SNX31: variants seen among roughly 807,000 people sequenced by gnomAD.
The protein encoded by SNX31 is sorting nexin 31.
Under a neutral mutation model 65.4 loss-of-function variants are expected in SNX31, and 58 were observed. That is an observed-to-expected ratio of 0.89 (90% CI 0.72 to 1.10). The LOEUF is 1.10. SNX31 is among the 50% of genes least tolerant of loss of function. The probability of loss-of-function intolerance (pLI) is 0.00; values close to 1 mark genes in which losing one functional copy is unlikely to be tolerated. For missense variants in SNX31, 523 were observed against 529.7 expected (o/e 0.99, Z 0.12); for synonymous variants, 181 against 190.1 (o/e 0.95, Z 0.39).
chr8:100,632,511 A>C (rs1438510861), intron 3 of SNX31, among the ~76,000 whole-genome samples: 2 of 152,206 alleles, frequency 1.3e-5, no homozygotes, highest in Non-Finnish European at 2.9e-5. Context: ...ATGACTGCTG[A>C]TGTAGAATGA....
intron 4 of SNX31, chr8:100,618,808 C>A: frequency 5.9e-6 from 1 of 168,706 alleles, no homozygotes; most frequent in South Asian, 1.6e-4. Flanking sequence ...CCCCACCCTC[C>A]CAGCACCGCC....
rs186308935 is a variant in SNX31, at chr8:100,588,437, C to G, written c.1092+429G>C. ...CTAAGTCAGGGGTTGGCAAACAAGG[C>G]CAGACCACCATCTGTTTCTATAAAT... On this transcript the variant is annotated intron_variant, in intron 11 of 13. Coordinates refer to ENST00000311812, the MANE Select transcript of SNX31 (RefSeq NM_152628.4). The surrounding 1 kb of genome is among the most constrained non-coding windows in gnomAD (Gnocchi z 4.8). 9.8e-5 allele frequency among the ~76,000 whole-genome samples: 15 copies of G among 152,290 alleles called. No individual in the cohort carries two copies. The highest frequency in any genetic ancestry group is 2.4e-4 in the African/African-American group (10 of 41,560).
intron 11 of SNX31, among the ~76,000 whole-genome samples, chr8:100,586,036 TTAGCCTCCCGAG>T (rs1307183888): frequency 3.3e-5 from 5 of 152,142 alleles, no homozygotes; most frequent in Non-Finnish European, 5.9e-5. Flanking sequence ...TTCTCCTGCC[TTAGCCTCCCGAG>T]TAGCTGGGAT....
At chr8:100,663,548 G>C (rs1809824611), upstream of SNX31, 1 of 148,390 alleles carries the variant, frequency 6.7e-6, no homozygotes, top group South Asian at 2.1e-4. Context: ...GAGCCCTCTG[G>C]AAACCCTATC....
chr8:100,642,122 T>A (rs915381386), intron 2 of SNX31, among the ~76,000 whole-genome samples: 1 of 152,150 alleles, frequency 6.6e-6, no homozygotes, highest in Non-Finnish European at 1.5e-5. Flanking sequence ...ATTCTGTTTC[T>A]TTTAAACTCA....
rs929940024 is a variant in SNX31, at chr8:100,573,327, C to T, written c.*538G>A. On this transcript the variant is annotated 3_prime_UTR_variant, in exon 14 of 14. Coordinates refer to ENST00000311812, the MANE Select transcript of SNX31 (RefSeq NM_152628.4). Reference sequence around the variant, plus strand: ...GAAAGAGATCAGTATTTCATCACCTCCTTGCTCTAGTTCTGTGTGGATAGA... The same window carrying T: ...GAAAGAGATCAGTATTTCATCACCTTCTTGCTCTAGTTCTGTGTGGATAGA... The T allele has an allele frequency of 1.3e-5, 2 of 152,146 alleles. No homozygotes were observed. The highest frequency in any genetic ancestry group is 1.3e-4 in the Admixed American group (2 of 15,266). The allele number at this position is 152,146 out of a possible 1,614,324, so 9.4% of individuals were successfully genotyped here.
At chr8:100,593,668 G>C (rs541331622) in intron 10 of SNX31, among the ~76,000 whole-genome samples, 3 of 151,958 alleles carry the variant, frequency 2.0e-5, no homozygotes, top group African/African-American at 7.2e-5. Flanking sequence ...TGGCCAGGCT[G>C]GTCTCAGACT....
At position 100,608,529 on chromosome 8, in the gene SNX31, C is replaced by T. The variant is rs1361213385; in HGVS notation, c.646G>A (p.Asp216Asn). 6.2e-7 allele frequency: 1 copy of T among 1,614,040 alleles called. No individual in the cohort carries two copies. The highest frequency in any genetic ancestry group is 1.1e-5 in the South Asian group (1 of 91,060). The change falls in exon 8 of 14, where the codon GAC becomes AAC. Residue 216 changes from aspartate to asparagine, a missense_variant. Asp to Asn is a conservative substitution (Grantham distance 23). Transcript: ENST00000311812. ...AGCAAATCTACCGCCACCCTGCAGTCCATCAGCACGGAGTCGAGGGATGGA... is the reference window on the plus strand; with the variant it reads ...AGCAAATCTACCGCCACCCTGCAGTTCATCAGCACGGAGTCGAGGGATGGA... ...MAPSLDSVLMDCRVAVDLLYM... is the reference protein window; with the variant it reads ...MAPSLDSVLMNCRVAVDLLYM...
intron 8 of SNX31, among the ~76,000 whole-genome samples, chr8:100,606,633 C>T (rs1816187355): frequency 6.6e-6 from 1 of 152,142 alleles, no homozygotes; most frequent in African/African-American, 2.4e-5. Flanking sequence ...TTGAAAAGCT[C>T]ATTAAAAGTA....
rs750333157 is a variant in SNX31, at chr8:100,612,137, TTA to T, written c.524-52_524-51del. Reference sequence around the variant, plus strand: ...TACTGGTTGAAACAGCACAGACAGCTTATATATAGCAGCTTTCAAATGAGAAA... The same window carrying T: ...TACTGGTTGAAACAGCACAGACAGCTTATATAGCAGCTTTCAAATGAGAAA... On this transcript the variant is annotated intron_variant, in intron 6 of 13. Transcript: ENST00000311812. This position sits in a 1 kb window ranked among gnomAD's most constrained non-coding sequence, Gnocchi z 4.3. 8.5e-7 allele frequency: 1 copy of T among 1,176,510 alleles called. No homozygotes were observed. The highest frequency in any genetic ancestry group is 2.3e-5 in the East Asian group (1 of 42,818). The allele number at this position is 1,176,510 out of a possible 1,614,324, so 72.9% of individuals were successfully genotyped here. A position where few individuals can be genotyped will look rare whatever the true frequency, so the allele number is the denominator to read the frequency against.
At position 100,595,311 on chromosome 8, in the gene SNX31, G is replaced by GTTT. The variant is rs765163460; in HGVS notation, c.978+1327_978+1328insAAA. On this transcript the variant is annotated intron_variant, in intron 10 of 13. Transcript: ENST00000311812. Reference sequence around the variant, plus strand: ...GTGAGTGCGGAGATAGAGGGAATTTGTTGTTTTTTTTTTTTTTTCAGATGG... The same window carrying GTTT: ...GTGAGTGCGGAGATAGAGGGAATTTGTTTTTGTTTTTTTTTTTTTTTCAGATGG... 3.6e-4 allele frequency among the ~76,000 whole-genome samples: 50 copies of GTTT among 138,784 alleles called. 2 individuals are homozygous for GTTT. The highest frequency in any genetic ancestry group is 3.8e-3 in the Middle Eastern group (1 of 264). The allele number at this position is 138,784 out of a possible 152,430, so 91.0% of individuals were successfully genotyped here. A position where few individuals can be genotyped will look rare whatever the true frequency, so the allele number is the denominator to read the frequency against.
chr8:100,630,539 GA>G lies in SNX31; in HGVS notation c.257-149del. On this transcript the variant is annotated intron_variant, in intron 3 of 13. Coordinates refer to ENST00000311812, the MANE Select transcript of SNX31 (RefSeq NM_152628.4). This position sits in a 1 kb window ranked among gnomAD's most constrained non-coding sequence, Gnocchi z 5.3. Reference sequence around the variant, plus strand: ...AAATGTTGAAACCTCTCAAATACAGGAAAACCCCCAAAGCTTGCCTCCTATA... The same window carrying G: ...AAATGTTGAAACCTCTCAAATACAGGAAACCCCCAAAGCTTGCCTCCTATA... The G allele has an allele frequency of 1.5e-6, 1 of 660,470 alleles. No homozygotes were observed. Among genetic ancestry groups the G allele is most frequent in the Non-Finnish European group, 2.5e-6 (1 of 401,044 alleles). The allele number at this position is 660,470 out of a possible 1,614,324, so 40.9% of individuals were successfully genotyped here. A position where few individuals can be genotyped will look rare whatever the true frequency, so the allele number is the denominator to read the frequency against.
chr8:100,658,109 T>A (rs946773123), intron 1 of SNX31, among the ~76,000 whole-genome samples: 4 of 152,090 alleles, frequency 2.6e-5, no homozygotes, highest in Non-Finnish European at 1.5e-5. Flanking sequence ...ATTTAATTGT[T>A]TTTTGGAGGA....
chr8:100,599,040 T>G (rs79389711), intron 9 of SNX31, among the ~76,000 whole-genome samples: 1 of 152,378 alleles, frequency 6.6e-6, no homozygotes, highest in African/African-American at 2.4e-5. Context: ...GTTTGCTCCA[T>G]TAGCAGAAGA....
At chr8:100,593,380 G>A (rs1478722278) in intron 10 of SNX31, among the ~76,000 whole-genome samples, 1 of 152,164 alleles carries the variant, frequency 6.6e-6, no homozygotes, top group Non-Finnish European at 1.5e-5. Flanking sequence ...GGGTACTGGA[G>A]CAACTGGACC....
At chr8:100,621,343 C>T (rs973150757) in intron 4 of SNX31, among the ~76,000 whole-genome samples, 1 of 152,208 alleles carries the variant, frequency 6.6e-6, no homozygotes, top group Non-Finnish European at 1.5e-5. Context: ...TTTGGATAAG[C>T]TATATGGCTG....
chr8:100,607,471 T>C (rs934036623), intron 8 of SNX31, among the ~76,000 whole-genome samples: 13 of 151,966 alleles, frequency 8.6e-5, no homozygotes, highest in Non-Finnish European at 1.3e-4. Flanking sequence ...GGGGTAGGAG[T>C]AGGTAGGGCC....
chr8:100,576,450 C>T lies in SNX31; in HGVS notation c.1227+569G>A, dbSNP rs1586825495. On this transcript the variant is annotated intron_variant, in intron 13 of 13. Transcript: ENST00000311812. This position sits in a 1 kb window ranked among gnomAD's most constrained non-coding sequence, Gnocchi z 4.8. ...TTTCCATCTTTGACTGCTGTGCAAC[C>T]TTGGGCAGGTCACAAAACCTCTCTG... is the stretch of plus-strand genomic sequence containing the variant. Among the ~76,000 whole-genome samples, 1 of 152,158 alleles carries T rather than the reference C, an allele frequency of 6.6e-6. No homozygotes were observed. Among genetic ancestry groups the T allele is most frequent in the East Asian group, 1.9e-4 (1 of 5,192 alleles).
At chr8:100,649,674 G>C (rs1358188703), upstream of SNX31, 25 of 600,812 alleles carry the variant, frequency 4.2e-5, no homozygotes, top group Non-Finnish European at 3.6e-5. Context: ...CTACAGGTGG[G>C]GCCGGGGCCG....
Sources: gnomAD v4.1 joint callset for allele counts (sites outside exome capture counted in the v4.1 genomes callset) on GRCh38, gnomAD v4.1.1 for gene constraint, Gnocchi (gnomAD v3.1) non-coding constraint, MANE v1.5 for transcripts, NCBI Gene and HGNC (gene_info 2026-07-23, HGNC 2026-07-21) for gene names.